CYRIA: variants seen among roughly 807,000 people sequenced by gnomAD.
The protein encoded by CYRIA is CYFIP-related Rac1 interactor A.
Under a neutral mutation model 43.9 loss-of-function variants are expected in CYRIA, and 15 were observed. The observed-to-expected ratio is 0.34, with a 90% confidence interval of 0.23 to 0.53. CYRIA has a LOEUF of 0.53. Among genes scored for constraint, CYRIA ranks in the 20% least tolerant of loss-of-function variants. CYRIA has a pLI of 0.94. For missense variants in CYRIA, 236 were observed against 394.2 expected, an observed-to-expected ratio of 0.60 and a Z score of 3.40; for synonymous variants, 117 against 136.0, an observed-to-expected ratio of 0.86 and a Z score of 0.97.
intron 3 of CYRIA, among the ~76,000 whole-genome samples, chr2:16,582,870 T>C (rs948552824): frequency 6.6e-6 from 1 of 152,208 alleles, no homozygotes; most frequent in Non-Finnish European, 1.5e-5. Flanking sequence ...TTCTTGCATA[T>C]ACATCTAGGA....
chr2:16,556,618 C>T (rs1666534188), intron 10 of CYRIA, among the ~76,000 whole-genome samples: 1 of 152,108 alleles, frequency 6.6e-6, no homozygotes, highest in Non-Finnish European at 1.5e-5. Flanking sequence ...ACAGCATGTT[C>T]AGGAGCTGGG....
At chr2:16,653,504 T>C (rs1314986976) in intron 1 of CYRIA, among the ~76,000 whole-genome samples, 1 of 152,230 alleles carries the variant, frequency 6.6e-6, no homozygotes, top group Non-Finnish European at 1.5e-5. Context: ...TCTGCTTCAT[T>C]TTCCTTCATG....
intron 3 of CYRIA, among the ~76,000 whole-genome samples, chr2:16,580,145 G>A (rs1299117915): frequency 1.3e-5 from 2 of 151,902 alleles, no homozygotes; most frequent in African/African-American, 2.4e-5. Flanking sequence ...ATGAGGTCTC[G>A]CTTTGTTGCC....
intron 2 of CYRIA, among the ~76,000 whole-genome samples, chr2:16,609,881 T>C (rs922416897): frequency 6.6e-5 from 10 of 152,230 alleles, no homozygotes; most frequent in Admixed American, 5.2e-4. Flanking sequence ...AATCTACTAC[T>C]GTGTAGTATC....
intron 2 of CYRIA, among the ~76,000 whole-genome samples, chr2:16,617,421 G>T (rs919560882): frequency 1.3e-5 from 2 of 152,248 alleles, no homozygotes; most frequent in Non-Finnish European, 2.9e-5. Context: ...CTTGCCATCA[G>T]GCCTAGGCCA....
At chr2:16,607,020 G>T (rs540596646) in intron 2 of CYRIA, among the ~76,000 whole-genome samples, 4 of 152,284 alleles carry the variant, frequency 2.6e-5, no homozygotes, top group South Asian at 4.1e-4. Flanking sequence ...ATGAGGCCAA[G>T]AGAGATTAGC....
chr2:16,582,143 CA>C (rs1404003515), intron 3 of CYRIA, among the ~76,000 whole-genome samples: 4 of 152,090 alleles, frequency 2.6e-5, no homozygotes, highest in African/African-American at 9.6e-5. Context: ...TTGTCAAAAC[CA>C]ACTAAAATGT....
At chr2:16,616,214 G>A (rs1363311431) in intron 2 of CYRIA, among the ~76,000 whole-genome samples, 1 of 152,156 alleles carries the variant, frequency 6.6e-6, no homozygotes, top group East Asian at 1.9e-4. Flanking sequence ...CCCTCCTCCT[G>A]ACTCCAGGGC....
intron 3 of CYRIA, among the ~76,000 whole-genome samples, chr2:16,585,491 G>T (rs1314200299): frequency 3.3e-5 from 5 of 152,114 alleles, no homozygotes; most frequent in African/African-American, 9.7e-5. Flanking sequence ...GGACTGATGA[G>T]AAAATAAGCA....
At chr2:16,637,844 C>T (rs1239694711) in intron 1 of CYRIA, among the ~76,000 whole-genome samples, 1 of 152,176 alleles carries the variant, frequency 6.6e-6, no homozygotes, top group East Asian at 1.9e-4. Flanking sequence ...GTCCAGAGTG[C>T]TCAGGTGAAT....
intron 2 of CYRIA, among the ~76,000 whole-genome samples, chr2:16,610,431 C>T (rs1216379161): frequency 2.0e-5 from 3 of 152,212 alleles, no homozygotes; most frequent in Non-Finnish European, 2.9e-5. Flanking sequence ...GGCAAGAGGG[C>T]TGTGGAAACT....
intron 1 of CYRIA, among the ~76,000 whole-genome samples, chr2:16,648,265 T>C (rs567204802): frequency 1.3e-5 from 2 of 151,098 alleles, no homozygotes; most frequent in South Asian, 2.1e-4. Flanking sequence ...TTCGGTTGTT[T>C]GTAAATTTAA....
intron 2 of CYRIA, among the ~76,000 whole-genome samples, chr2:16,602,713 C>T (rs1002289456): frequency 6.6e-6 from 1 of 152,070 alleles, no homozygotes; most frequent in Admixed American, 6.6e-5. Flanking sequence ...GTCCAAGAAT[C>T]CACAGCACAT....
intron 1 of CYRIA, among the ~76,000 whole-genome samples, chr2:16,661,558 A>C (rs1231242437): frequency 6.6e-6 from 1 of 152,222 alleles, no homozygotes; most frequent in Non-Finnish European, 1.5e-5. Context: ...TTCATCACTT[A>C]TAGAAATAAC....
intron 1 of CYRIA, among the ~76,000 whole-genome samples, chr2:16,656,491 T>C (rs145899295): frequency 3.7e-4 from 56 of 152,244 alleles, no homozygotes; most frequent in African/African-American, 1.3e-3. Flanking sequence ...CAATAGTCTA[T>C]GCAAACCAAA....
intron 1 of CYRIA, among the ~76,000 whole-genome samples, chr2:16,630,765 A>T (rs11096685): frequency 1.3e-5 from 2 of 152,124 alleles, no homozygotes; most frequent in Non-Finnish European, 2.9e-5. Context: ...AACCCCAAGC[A>T]ACAGCACAAT....
intron 1 of CYRIA, among the ~76,000 whole-genome samples, chr2:16,632,078 C>T (rs764987018): frequency 1.2e-4 from 18 of 152,252 alleles, no homozygotes; most frequent in South Asian, 2.1e-4. Flanking sequence ...TTGGGTGTTC[C>T]GTAGAGACCA....
intron 3 of CYRIA, among the ~76,000 whole-genome samples, chr2:16,566,257 T>C (rs1420265976): frequency 6.6e-6 from 1 of 152,200 alleles, no homozygotes; most frequent in African/African-American, 2.4e-5. Flanking sequence ...TGTACAACCA[T>C]CGCCACACTC....
At chr2:16,553,857 C>A (rs1179801658) in intron 11 of CYRIA, among the ~76,000 whole-genome samples, 1 of 152,116 alleles carries the variant, frequency 6.6e-6, no homozygotes, top group African/African-American at 2.4e-5. Flanking sequence ...GAAAGCTCAA[C>A]ACACTCAGAA....
Sources: allele counts gnomAD v4.1 joint callset (sites outside exome capture counted in the v4.1 genomes callset), GRCh38; gene constraint gnomAD v4.1.1; transcripts MANE v1.5; gene names NCBI Gene and HGNC (gene_info 2026-07-23, HGNC 2026-07-21).